PIGN: variants seen among roughly 807,000 people sequenced by gnomAD.
The protein encoded by PIGN is phosphatidylinositol glycan anchor biosynthesis class N, also known as GPI ethanolamine phosphate transferase 1.
In PIGN, 117 loss-of-function variants were observed where a neutral mutation model predicts 125.4. The observed-to-expected ratio is 0.93, with a 90% CI of 0.80 to 1.09. PIGN has a LOEUF of 1.09. Ranked by LOEUF, PIGN falls within the 50% of genes least tolerant of loss-of-function variation. The probability of loss-of-function intolerance (pLI) is 0.00; values close to 1 mark genes in which losing one functional copy is unlikely to be tolerated. For synonymous variants in PIGN, 392 were observed against 377.8 expected (o/e 1.04, Z -0.44); for missense variants, 1,075 against 1,094.9 (o/e 0.98, Z 0.26).
At chr18:62,157,281 C>A in intron 5 of PIGN, 54 bp from the exon 6 acceptor site, 1 of 849,376 alleles carries the variant, frequency 1.2e-6, no homozygotes, top group Non-Finnish European at 1.9e-6. Flanking sequence ...CAATAAGCCC[C>A]TAAAGAACTA....
intron 10 of PIGN, among the ~76,000 whole-genome samples, chr18:62,144,663 C>G (rs150374481): frequency 4.6e-5 from 7 of 152,320 alleles, no homozygotes; most frequent in African/African-American, 1.7e-4. Context: ...TAAAATGTAT[C>G]CTGCTCCATA....
intron 6 of PIGN, among the ~76,000 whole-genome samples, 181 bp from the exon 7 acceptor site, chr18:62,154,832 G>C (rs541164642): frequency 2.0e-4 from 30 of 152,218 alleles, no homozygotes; most frequent in African/African-American, 6.7e-4. Context: ...ATGTGCTATG[G>C]ACCATGCTAC....
intron 14 of PIGN, among the ~76,000 whole-genome samples, chr18:62,132,807 A>T (rs2035788817): frequency 2.0e-5 from 3 of 152,210 alleles, no homozygotes; most frequent in Admixed American, 1.3e-4. Context: ...TCTTTAATCA[A>T]TGTAGAATTT....
At position 62,128,742 on chromosome 18, in the gene PIGN, T is replaced by C. The variant is rs186576397; in HGVS notation, c.1172+9501A>G. ...AATGTTTAAAATATTCATTAAATTC[T>C]ATAAGCCCATTATTTCTAGAGGGCT... On this transcript the variant is annotated intron_variant, in intron 14 of 30. Transcript: ENST00000640252. Among the ~76,000 whole-genome samples, 147 of 152,334 alleles carry C rather than the reference T, an allele frequency of 9.6e-4. 1 individual carries two copies. Among genetic ancestry groups the C allele is most frequent in the African/African-American group, 3.4e-3 (143 of 41,590 alleles).
intron 13 of PIGN, among the ~76,000 whole-genome samples, chr18:62,138,620 G>C (rs1192285464): frequency 6.6e-6 from 1 of 151,990 alleles, no homozygotes; most frequent in Admixed American, 6.6e-5. Context: ...TTAGTCAAAG[G>C]GTCACCTCTT....
chr18:62,136,857 T>A, intron 14 of PIGN: 1 of 385,402 alleles, frequency 2.6e-6, no homozygotes. Flanking sequence ...GTGATCTAGA[T>A]CTTCCCTTTC....
chr18:62,096,228 G>C (rs527745275), intron 22 of PIGN, among the ~76,000 whole-genome samples: 58 of 152,186 alleles, frequency 3.8e-4, no homozygotes, highest in African/African-American at 1.4e-3. Context: ...CCGGGAGGCA[G>C]AGGTTGCAGT....
At chr18:62,096,441 A>C (rs1176482400) in intron 22 of PIGN, among the ~76,000 whole-genome samples, 1 of 151,186 alleles carries the variant, frequency 6.6e-6, no homozygotes, top group Non-Finnish European at 1.5e-5. Flanking sequence ...CATTTTTTTA[A>C]CTACGCCCAT....
At chr18:62,038,922 T>TAAC (rs2030297961), downstream of PIGN, among the ~76,000 whole-genome samples, 1 of 1,344 alleles carries the variant, frequency 7.4e-4, no homozygotes, top group Non-Finnish European at 1.4e-3. Flanking sequence ...TGTCTCAAAA[T>TAAC]AATAATAATA....
In PIGN at chr18:62,041,664, T is replaced by G. The variant is rs2030385597; in HGVS notation, c.*4192A>C. The stretch of plus-strand genomic sequence containing the variant: ...GGGTGTGTGTGTGTGTGTGTGTGTG[T>G]GTGTGTGTGTGTGTGTGTGTGTGTG... On this transcript the variant is annotated 3_prime_UTR_variant, in exon 31 of 31. Coordinates refer to ENST00000640252, the MANE Select transcript of PIGN (RefSeq NM_176787.5). 1 of 143,336 alleles carries G rather than the reference T, an allele frequency of 7.0e-6. No individual in the cohort carries two copies. The highest frequency in any genetic ancestry group is 1.5e-5 in the Non-Finnish European group (1 of 65,894). 8.9% of individuals were successfully genotyped at this position (143,336 alleles called of 1,614,324 possible).
intron 19 of PIGN, 98 bp from the exon 20 acceptor site, chr18:62,105,732 GCAAAGCCT>G (rs2034613690): frequency 1.6e-6 from 1 of 618,694 alleles, no homozygotes; most frequent in African/African-American, 1.9e-5. Flanking sequence ...AAAGGAAAAT[GCAAAGCCT>G]TACAGCTGTT....
chr18:62,048,718 ATACTT>A (rs2030960092), intron 30 of PIGN, among the ~76,000 whole-genome samples: 1 of 144,236 alleles, frequency 6.9e-6, no homozygotes, highest in Admixed American at 7.0e-5. Context: ...TATTATTATT[ATACTT>A]TAAGTTTTAG....
At position 62,146,911 on chromosome 18, in the gene PIGN, AC is replaced by A. The variant is rs1036278137; in HGVS notation, c.805+59del. 5.5e-4 allele frequency: 838 copies of A among 1,531,888 alleles called. 1 individual carries two copies. The highest frequency in any genetic ancestry group is 1.1e-3 in the Admixed American group (62 of 57,878). The allele number at this position is 1,531,888 out of a possible 1,614,324, so 94.9% of individuals were successfully genotyped here. On this transcript the variant is annotated intron_variant, in intron 9 of 30. Coordinates refer to ENST00000640252, the MANE Select transcript of PIGN (RefSeq NM_176787.5). ...ATCCTCTCAACATCATAAAATATTT[AC>A]CAGCTACATTTATCACTACTTTAAT...
intron 4 of PIGN, 47 bp from the exon 5 acceptor site, chr18:62,157,855 A>C: frequency 6.6e-7 from 1 of 1,512,734 alleles, no homozygotes. Flanking sequence ...ATGATTAGAT[A>C]CTCTCACATA....
chr18:62,045,579 T>G lies in PIGN; in HGVS notation c.*277A>C, dbSNP rs937812152. On this transcript the variant is annotated 3_prime_UTR_variant, in exon 31 of 31. Coordinates refer to ENST00000640252, the MANE Select transcript of PIGN (RefSeq NM_176787.5). Reference sequence around the variant, plus strand: ...TTGCTGCAGGTGCTCTCAACATCACTGGGAAGAGCTGCCAGCCAAAGGAAA... The same window carrying G: ...TTGCTGCAGGTGCTCTCAACATCACGGGGAAGAGCTGCCAGCCAAAGGAAA... 1 of 270,280 alleles carries G rather than the reference T, an allele frequency of 3.7e-6. No homozygotes were observed. Among genetic ancestry groups the G allele is most frequent in the Admixed American group, 4.9e-5 (1 of 20,488 alleles). 16.7% of individuals were successfully genotyped at this position (270,280 alleles called of 1,614,324 possible).
intron 28 of PIGN, among the ~76,000 whole-genome samples, chr18:62,082,202 C>T (rs13313696): frequency 0.17 from 25,977 of 151,964 alleles, 2,950 homozygotes; most frequent in Middle Eastern, 0.29. Context: ...GTCAAATGTA[C>T]AGAAATCATG....
chr18:62,074,163 C>T (rs935743282), intron 29 of PIGN, among the ~76,000 whole-genome samples: 3 of 152,188 alleles, frequency 2.0e-5, no homozygotes, highest in Non-Finnish European at 4.4e-5. Context: ...TGGACTCTGC[C>T]CTATGCACTG....
chr18:62,182,260 AT>A (rs2037744294), intron 1 of PIGN, among the ~76,000 whole-genome samples: 1 of 152,192 alleles, frequency 6.6e-6, no homozygotes, highest in African/African-American at 2.4e-5. Flanking sequence ...GCCTCAACAA[AT>A]TATAGCTCCA....
chr18:62,167,976 C>G (rs2037214381), intron 1 of PIGN, among the ~76,000 whole-genome samples: 2 of 152,010 alleles, frequency 1.3e-5, no homozygotes, highest in Admixed American at 1.3e-4. Context: ...GGTGGATCAC[C>G]TGAGGTCAGG....
Sources: gnomAD v4.1 joint callset for allele counts (sites outside exome capture counted in the v4.1 genomes callset) on GRCh38, gnomAD v4.1.1 for gene constraint, MANE v1.5 for transcripts, NCBI Gene and HGNC (gene_info 2026-07-23, HGNC 2026-07-21) for gene names.